Variants in THOC2 observed in about 807,000 individuals in gnomAD.
The protein encoded by THOC2 is THO complex 2.
In THOC2, 10 loss-of-function variants were observed where a neutral mutation model predicts 128.4. The observed-to-expected ratio is 0.08, with a 90% CI of 0.05 to 0.13. THOC2 has a LOEUF of 0.13. Ranked by LOEUF, THOC2 falls within the 10% of genes least tolerant of loss-of-function variation. The pLI, the probability that THOC2 is intolerant of heterozygous loss-of-function variation, is 1.00. For missense variants in THOC2, 535 were observed against 1,155.7 expected (o/e 0.46, Z 7.79); for synonymous variants, 393 against 396.9 (o/e 0.99, Z 0.12).
chrX:123,615,680 C>CAA lies in THOC2; in HGVS notation c.4312-1493_4312-1492dup, dbSNP rs202028561. ...ATACACACACACACACACACACACA[C>CAA]AACCCTTATTAATAATGAAGTTTTG... is the stretch of plus-strand genomic sequence containing the variant. On this transcript the variant is annotated intron_variant, in intron 33 of 38. Coordinates refer to ENST00000245838, the MANE Select transcript of THOC2 (RefSeq NM_001081550.2). Among the ~76,000 whole-genome samples the CAA allele has an allele frequency of 8.7e-3, 943 of 107,809 alleles. 12 individuals are homozygous for CAA. The highest frequency in any genetic ancestry group is 0.03 in the African/African-American group (886 of 29,837). The allele number at this position is 107,809 out of a possible 115,157, so 93.6% of individuals were successfully genotyped here.
intron 1 of THOC2, among the ~76,000 whole-genome samples, chrX:123,732,260 C>T (rs2052299588): frequency 8.9e-6 from 1 of 112,219 alleles, no homozygotes; most frequent in Non-Finnish European, 1.9e-5. Flanking sequence ...AAGTTGAATC[C>T]AACCCGAAAT....
chrX:123,612,050 T>C (rs1360450079), intron 36 of THOC2, among the ~76,000 whole-genome samples: 1 of 111,209 alleles, frequency 9.0e-6, no homozygotes, highest in Non-Finnish European at 1.9e-5. Context: ...TGTAGAGAAA[T>C]CTGCACTCTG....
chrX:123,661,737 T>C (rs763029405), intron 12 of THOC2, among the ~76,000 whole-genome samples: 2 of 112,017 alleles, frequency 1.8e-5, no homozygotes, highest in African/African-American at 6.5e-5. Context: ...AATTAACTAC[T>C]TAACAGATTT....
At chrX:123,638,188 T>C (rs749858948) in intron 17 of THOC2, 65 bp from the exon 18 acceptor site, 470 of 727,525 alleles carry the variant, frequency 6.5e-4, no homozygotes, top group Non-Finnish European at 8.9e-4. Flanking sequence ...AACATGAATA[T>C]GCCACATCAT....
intron 8 of THOC2, among the ~76,000 whole-genome samples, chrX:123,681,673 C>T (rs890055742): frequency 8.0e-5 from 9 of 111,958 alleles, no homozygotes; most frequent in African/African-American, 1.9e-4. Context: ...TTAAAAGAGA[C>T]GAAGAATCTT....
chrX:123,643,730 AG>A (rs1201163495), intron 15 of THOC2, among the ~76,000 whole-genome samples: 1 of 108,117 alleles, frequency 9.2e-6, no homozygotes, highest in Non-Finnish European at 1.9e-5. Context: ...ATAGGCTCAC[AG>A]GAAAAAAAAA....
At chrX:123,615,988 T>A (rs1411612448) in intron 33 of THOC2, among the ~76,000 whole-genome samples, 1 of 111,120 alleles carries the variant, frequency 9.0e-6, no homozygotes, top group African/African-American at 3.3e-5. Flanking sequence ...CACAATTATA[T>A]CCTGCTATAG....
At chrX:123,674,115 T>C in intron 8 of THOC2, among the ~76,000 whole-genome samples, 1 of 111,979 alleles carries the variant, frequency 8.9e-6, no homozygotes, top group Middle Eastern at 4.6e-3. Context: ...TCTATTTTCT[T>C]ACTCATCTTT....
Position 123,632,915 on chromosome X carries a change from G to T in THOC2, c.2262C>A (p.Ile754=), listed in dbSNP as rs1128219. 1 of 1,209,913 alleles carries T rather than the reference G, an allele frequency of 8.3e-7. No homozygotes were observed. Among genetic ancestry groups the T allele is most frequent in the South Asian group, 1.8e-5 (1 of 56,853 alleles). ...LLMAQQRNGV[I]FQEGGEKHLK... ...AATGTTTCTCTCCACCTTCCTGAAA[G>T]ATTACCCCATTTCTCTGCTGAGCCA... is the stretch of plus-strand genomic sequence containing the variant. Residue 754 remains isoleucine, a synonymous_variant, in exon 21 of 39, where the codon ATC becomes ATA. Transcript: ENST00000245838.
intron 3 of THOC2, among the ~76,000 whole-genome samples, chrX:123,703,725 C>CA (rs761049104): frequency 0.018 from 546 of 29,773 alleles, 35 homozygotes; most frequent in East Asian, 0.12. Flanking sequence ...CCATCTCTAC[C>CA]AAAAAAAAAA....
chrX:123,723,082 G>A (rs1242784891), intron 1 of THOC2, among the ~76,000 whole-genome samples: 2 of 110,673 alleles, frequency 1.8e-5, no homozygotes, highest in East Asian at 5.7e-4. Context: ...AGGAGGCTGA[G>A]GCACAAGAAT....
intron 22 of THOC2, among the ~76,000 whole-genome samples, chrX:123,628,633 C>T (rs1351875630): frequency 9.2e-6 from 1 of 109,037 alleles, no homozygotes. Context: ...ATCACTTGAA[C>T]CCCAGAGGCA....
intron 1 of THOC2, among the ~76,000 whole-genome samples, chrX:123,730,962 T>G (rs2052225620): frequency 1.8e-5 from 2 of 111,886 alleles, no homozygotes; most frequent in South Asian, 7.4e-4. Context: ...AAAAAAAAAG[T>G]AAAACTGTCA....
At chrX:123,726,970 G>C (rs778672045) in intron 1 of THOC2, among the ~76,000 whole-genome samples, 1 of 111,526 alleles carries the variant, frequency 9.0e-6, no homozygotes, top group Admixed American at 9.6e-5. Flanking sequence ...GAGGCTGAGG[G>C]GGGAGGATCA....
At chrX:123,708,735 C>G (rs755585125) in intron 2 of THOC2, among the ~76,000 whole-genome samples, 2 of 111,520 alleles carry the variant, frequency 1.8e-5, no homozygotes, top group East Asian at 5.6e-4. Flanking sequence ...CGAATAGTCC[C>G]TAAATCACAA....
chrX:123,645,517 T>C (rs2048086727), intron 12 of THOC2, 142 bp from the exon 13 acceptor site: 4 of 364,250 alleles, frequency 1.1e-5, no homozygotes, highest in South Asian at 6.1e-5. Flanking sequence ...ATTTTAAATA[T>C]AGCCTGTTAA....
intron 15 of THOC2, 64 bp from the exon 16 acceptor site, chrX:123,640,686 T>C (rs2047877627): frequency 1.6e-6 from 1 of 637,123 alleles, no homozygotes; most frequent in Non-Finnish European, 2.4e-6. Context: ...TGTTGATAGC[T>C]TTGTTACATC....
chrX:123,694,053 C>G (rs1297339243), intron 7 of THOC2, among the ~76,000 whole-genome samples: 1 of 109,979 alleles, frequency 9.1e-6, no homozygotes, highest in Non-Finnish European at 1.9e-5. Flanking sequence ...TAAAAGCACA[C>G]CTTCAAGAAA....
chrX:123,603,858 G>A, intron 38 of THOC2: 1 of 160,971 alleles, frequency 6.2e-6, no homozygotes, highest in East Asian at 1.3e-4. Context: ...GAGGTGTTAG[G>A]ATTACAAACT....
Sources: gnomAD v4.1 joint callset for allele counts (sites outside exome capture counted in the v4.1 genomes callset) on GRCh38, gnomAD v4.1.1 for gene constraint, MANE v1.5 for transcripts, NCBI Gene and HGNC (gene_info 2026-07-23, HGNC 2026-07-21) for gene names.